KLHL1: variants seen among roughly 807,000 people sequenced by gnomAD.
KLHL1 encodes the protein kelch-like protein 1.
In KLHL1, 47 loss-of-function variants were observed where a neutral mutation model predicts 77.7. The observed-to-expected ratio is 0.60, with a 90% confidence interval of 0.48 to 0.77. The LOEUF (loss-of-function observed/expected upper bound fraction) is 0.77. Among genes scored for constraint, KLHL1 ranks in the 30% least tolerant of loss-of-function variants. The pLI, the probability that KLHL1 is intolerant of heterozygous loss-of-function variation, is 0.00. For synonymous variants in KLHL1, 360 were observed against 325.2 expected (o/e 1.11, Z -1.15); for missense variants, 925 against 910.8 (o/e 1.02, Z -0.20).
At chr13:69,783,777 C>G (rs1876360316) in intron 7 of KLHL1, among the ~76,000 whole-genome samples, 2 of 144,724 alleles carry the variant, frequency 1.4e-5, no homozygotes, top group African/African-American at 2.6e-5. Context: ...TCCAGGAGAA[C>G]TTCCCCAATC....
intron 8 of KLHL1, among the ~76,000 whole-genome samples, chr13:69,722,296 T>C (rs2137899214): frequency 6.6e-6 from 1 of 152,152 alleles, no homozygotes; most frequent in African/African-American, 2.4e-5. Flanking sequence ...TAGGCAATAA[T>C]AGATCATACA....
chr13:69,748,113 G>A (rs1874298231), intron 7 of KLHL1, among the ~76,000 whole-genome samples: 1 of 151,930 alleles, frequency 6.6e-6, no homozygotes, highest in African/African-American at 2.4e-5. Flanking sequence ...AATATTGAAA[G>A]ATTTATATAT....
At chr13:69,980,108 A>G (rs913829885) in intron 1 of KLHL1, among the ~76,000 whole-genome samples, 1 of 152,190 alleles carries the variant, frequency 6.6e-6, no homozygotes. Context: ...CTCGTGCTAA[A>G]CAGTTCAGGA....
intron 5 of KLHL1, among the ~76,000 whole-genome samples, chr13:69,841,225 G>A (rs1425436124): frequency 6.6e-6 from 1 of 151,614 alleles, no homozygotes; most frequent in Non-Finnish European, 1.5e-5. Flanking sequence ...GAACAATCAG[G>A]AAAGAGAAAG....
chr13:69,800,391 C>T (rs557745012), intron 6 of KLHL1, among the ~76,000 whole-genome samples: 9 of 152,072 alleles, frequency 5.9e-5, no homozygotes, highest in Non-Finnish European at 1.2e-4. Flanking sequence ...CATTATTCAG[C>T]TTACCTCAGA....
At chr13:70,089,955 T>C (rs1674205550) in intron 1 of KLHL1, among the ~76,000 whole-genome samples, 1 of 152,078 alleles carries the variant, frequency 6.6e-6, no homozygotes, top group South Asian at 2.1e-4. Context: ...TATGATATGT[T>C]GGTATGCCTG....
At chr13:69,938,336 A>G (rs1174601890) in intron 4 of KLHL1, among the ~76,000 whole-genome samples, 2 of 152,036 alleles carry the variant, frequency 1.3e-5, no homozygotes, top group Admixed American at 6.6e-5. Flanking sequence ...AGTCTAAGAA[A>G]TAAATTAATT....
intron 6 of KLHL1, among the ~76,000 whole-genome samples, chr13:69,811,954 G>T (rs1030045567): frequency 3.3e-5 from 5 of 152,006 alleles, no homozygotes; most frequent in Non-Finnish European, 5.9e-5. Flanking sequence ...GCTTTTGAAT[G>T]TGTTTGCTCT....
At chr13:69,806,479 G>A (rs1877622718) in intron 6 of KLHL1, among the ~76,000 whole-genome samples, 1 of 152,018 alleles carries the variant, frequency 6.6e-6, no homozygotes, top group African/African-American at 2.4e-5. Context: ...GAGAACACTT[G>A]GATTCATCAG....
chr13:69,818,094 C>T (rs1878190773), intron 6 of KLHL1, among the ~76,000 whole-genome samples: 1 of 151,822 alleles, frequency 6.6e-6, no homozygotes, highest in African/African-American at 2.4e-5. Context: ...GAAAACTTCG[C>T]TTTTCATCTG....
chr13:69,876,745 T>TA (rs910354003), intron 5 of KLHL1, among the ~76,000 whole-genome samples: 23 of 152,246 alleles, frequency 1.5e-4, no homozygotes, highest in African/African-American at 4.8e-4. Flanking sequence ...TTAAAAGAGA[T>TA]AAAAAATACC....
chr13:69,956,160 G>A (rs1325126202), intron 3 of KLHL1, among the ~76,000 whole-genome samples: 1 of 132,946 alleles, frequency 7.5e-6, no homozygotes, highest in South Asian at 2.3e-4. Context: ...ATATATATTT[G>A]ATATATATAT....
intron 1 of KLHL1, among the ~76,000 whole-genome samples, chr13:70,101,379 G>A (rs1392031726): frequency 6.6e-6 from 1 of 151,848 alleles, no homozygotes; most frequent in South Asian, 2.1e-4. Flanking sequence ...TTTCTTACAA[G>A]TAGTTCTGGA....
At chr13:70,077,799 CATATT>C (rs1170647846) in intron 1 of KLHL1, among the ~76,000 whole-genome samples, 5 of 151,860 alleles carry the variant, frequency 3.3e-5, no homozygotes, top group South Asian at 2.1e-4. Context: ...ATTTTAGAAA[CATATT>C]ATATACACAA....
intron 5 of KLHL1, among the ~76,000 whole-genome samples, chr13:69,881,600 A>G (rs1291232979): frequency 6.6e-6 from 1 of 152,174 alleles, no homozygotes; most frequent in Non-Finnish European, 1.5e-5. Flanking sequence ...ATTAGTTTAA[A>G]GATACAAGAC....
intron 10 of KLHL1, among the ~76,000 whole-genome samples, chr13:69,706,455 G>C (rs1875631970): frequency 6.6e-6 from 1 of 151,762 alleles, no homozygotes; most frequent in Non-Finnish European, 1.5e-5. Context: ...GCAAAATCAA[G>C]GAAATCATGT....
chr13:70,001,303 AC>A (rs1885281571), intron 1 of KLHL1, among the ~76,000 whole-genome samples: 2 of 151,218 alleles, frequency 1.3e-5, no homozygotes, highest in African/African-American at 4.8e-5. Context: ...TATTTGACTT[AC>A]GAATTCTGCA....
At chr13:70,077,043 G>T (rs78124287) in intron 1 of KLHL1, among the ~76,000 whole-genome samples, 7,920 of 151,924 alleles carry the variant, frequency 0.052, 320 homozygotes, top group East Asian at 0.13. Context: ...AAATGGTAAA[G>T]CCACCTTGGA....
chr13:69,913,686 G>T (rs1464382410), intron 4 of KLHL1, among the ~76,000 whole-genome samples: 2 of 152,166 alleles, frequency 1.3e-5, no homozygotes, highest in South Asian at 4.1e-4. Context: ...GGAATGGATT[G>T]CTTGTTCAAT....
Sources: allele counts gnomAD v4.1 joint callset (sites outside exome capture counted in the v4.1 genomes callset), GRCh38; gene constraint gnomAD v4.1.1; transcripts MANE v1.5; gene names NCBI Gene and HGNC (gene_info 2026-07-23, HGNC 2026-07-21).